Variants in CACNG2 observed in about 807,000 individuals in gnomAD.
The protein encoded by CACNG2 is calcium voltage-gated channel auxiliary subunit gamma 2.
CACNG2 carries 3 observed loss-of-function variants against 25.9 expected under a neutral mutation model. The ratio of observed to expected loss-of-function variants is 0.12; its 90% confidence interval spans 0.05 to 0.30. The LOEUF (loss-of-function observed/expected upper bound fraction) is 0.30, where lower values mean the gene tolerates loss of function less well. CACNG2 is among the 10% of genes least tolerant of loss of function. CACNG2 has a pLI of 1.00. For synonymous variants in CACNG2, 167 were observed against 173.3 expected, an observed-to-expected ratio of 0.96 and a Z score of 0.29; for missense variants, 341 against 432.5, an observed-to-expected ratio of 0.79 and a Z score of 1.88.
chr22:36,582,919 G>A (rs1350471488), intron 2 of CACNG2, among the ~76,000 whole-genome samples: 1 of 152,048 alleles, frequency 6.6e-6, no homozygotes, highest in Non-Finnish European at 1.5e-5. Flanking sequence ...AGAAAGATCT[G>A]TGGAGTGTGT....
rs1045968556 is a variant in CACNG2 at position 36,578,199 on chromosome 22, TA to T, written c.295+9265del. 1.1e-4 allele frequency among the ~76,000 whole-genome samples: 16 copies of T among 150,312 alleles called. No homozygotes were observed. In the South Asian group the frequency reaches 2.7e-3, roughly 26 times the overall value. On this transcript the variant is annotated intron_variant, in intron 2 of 3. Transcript: ENST00000300105. ...CAACATGGTGAAACCCCGTCTCTAC[TA>T]AAAAAAAATACAAAAAATTAGCTGG...
chr22:36,645,536 C>CAAAAAAAAAAAAA (rs200600420), intron 1 of CACNG2, among the ~76,000 whole-genome samples: 23 of 134,862 alleles, frequency 1.7e-4, no homozygotes, highest in African/African-American at 6.3e-4. Flanking sequence ...GACTCTGTCT[C>CAAAAAAAAAAAAA]AAAAAAAAAA....
intron 2 of CACNG2, among the ~76,000 whole-genome samples, chr22:36,573,584 A>C (rs1488896333): frequency 6.6e-6 from 1 of 152,212 alleles, no homozygotes; most frequent in Non-Finnish European, 1.5e-5. Context: ...TGCCTGCCTC[A>C]GCCTCCCAAA....
chr22:36,694,688 G>A (rs1937311451), intron 1 of CACNG2, among the ~76,000 whole-genome samples: 1 of 152,082 alleles, frequency 6.6e-6, no homozygotes. Flanking sequence ...TTATTCTTTA[G>A]GGTCCCCTGC....
In CACNG2 at chr22:36,564,176, G is replaced by T. The variant is rs1569013513; in HGVS notation, c.*175C>A. 15 of 507,580 alleles carry T rather than the reference G, an allele frequency of 3.0e-5. No homozygotes were observed. The highest frequency in any genetic ancestry group is 2.0e-4 in the African/African-American group (10 of 50,286). 31.4% of individuals were successfully genotyped at this position (507,580 alleles called of 1,614,324 possible). ...CTTTTTTTTAAAATTTACTTGTTAT[G>T]TTTTTTCTCTTTTTTTGTGTGTGTG... is the stretch of plus-strand genomic sequence containing the variant. On this transcript the variant is annotated 3_prime_UTR_variant, in exon 4 of 4. Coordinates refer to ENST00000300105, the MANE Select transcript of CACNG2 (RefSeq NM_006078.5). This position sits in a 1 kb window ranked among gnomAD's most constrained non-coding sequence, Gnocchi z 6.7.
chr22:36,657,552 ATC>A (rs1396008153), intron 1 of CACNG2, among the ~76,000 whole-genome samples: 1 of 151,972 alleles, frequency 6.6e-6, no homozygotes, highest in Non-Finnish European at 1.5e-5. Context: ...TATTGGATAA[ATC>A]TTCTCTGGAT....
intron 1 of CACNG2, among the ~76,000 whole-genome samples, chr22:36,624,435 G>C (rs767059671): frequency 6.6e-6 from 1 of 152,158 alleles, no homozygotes. Context: ...GAGAGGTCAG[G>C]CTGCTCACCC....
intron 1 of CACNG2, among the ~76,000 whole-genome samples, chr22:36,609,921 C>A (rs1270016464): frequency 2.0e-5 from 3 of 146,586 alleles, no homozygotes; most frequent in Non-Finnish European, 3.0e-5. Flanking sequence ...GGCAGGAAAT[C>A]AACCCCCCAG....
chr22:36,695,749 G>A (rs1219078918), intron 1 of CACNG2, among the ~76,000 whole-genome samples: 1 of 152,074 alleles, frequency 6.6e-6, no homozygotes, highest in Non-Finnish European at 1.5e-5. Flanking sequence ...ACTTATCAGA[G>A]CTGTAATTTA....
At chr22:36,666,709 G>GA (rs904966780) in intron 1 of CACNG2, among the ~76,000 whole-genome samples, 18 of 150,332 alleles carry the variant, frequency 1.2e-4, no homozygotes, top group African/African-American at 3.2e-4. Flanking sequence ...AAAAAAAATA[G>GA]AAAAAAAAAT....
intron 1 of CACNG2, among the ~76,000 whole-genome samples, chr22:36,637,751 G>T (rs1428940049): frequency 1.3e-5 from 2 of 152,156 alleles, no homozygotes; most frequent in Non-Finnish European, 2.9e-5. Context: ...CAGGTGCGGT[G>T]GCTCACGCCT....
At chr22:36,658,195 T>A (rs9622447) in intron 1 of CACNG2, among the ~76,000 whole-genome samples, 16,161 of 151,856 alleles carry the variant, frequency 0.11, 2,857 homozygotes, top group African/African-American at 0.37. Context: ...AGTGAAAAAA[T>A]AATGGCCCAT....
At chr22:36,615,346 T>C (rs1242145538) in intron 1 of CACNG2, among the ~76,000 whole-genome samples, 1 of 152,208 alleles carries the variant, frequency 6.6e-6, no homozygotes, top group Non-Finnish European at 1.5e-5. Flanking sequence ...TGCAGGGCCC[T>C]TCTTGGTTTA....
chr22:36,673,317 GAGA>G (rs1936978569), intron 1 of CACNG2, among the ~76,000 whole-genome samples: 1 of 152,172 alleles, frequency 6.6e-6, no homozygotes, highest in African/African-American at 2.4e-5. Flanking sequence ...TCCAGCAAAA[GAGA>G]AGAAGGCAAT....
chr22:36,631,204 C>G (rs1243403173), intron 1 of CACNG2, among the ~76,000 whole-genome samples: 4 of 152,236 alleles, frequency 2.6e-5, no homozygotes, highest in South Asian at 2.1e-4. Flanking sequence ...GAGGCGAGGA[C>G]AAGGGAGCTC....
chr22:36,652,421 T>A (rs1236480458), intron 1 of CACNG2, among the ~76,000 whole-genome samples: 1 of 152,182 alleles, frequency 6.6e-6, no homozygotes, highest in African/African-American at 2.4e-5. Flanking sequence ...GGCCTTCTTC[T>A]CACCCTGCAA....
intron 2 of CACNG2, among the ~76,000 whole-genome samples, chr22:36,580,525 G>A (rs1935397392): frequency 6.6e-6 from 1 of 152,108 alleles, no homozygotes; most frequent in African/African-American, 2.4e-5. Flanking sequence ...AGTGTGGCCT[G>A]GTGATCCCCC....
intron 1 of CACNG2, among the ~76,000 whole-genome samples, chr22:36,660,318 G>A (rs896129713): frequency 6.6e-6 from 1 of 152,248 alleles, no homozygotes; most frequent in African/African-American, 2.4e-5. Flanking sequence ...GCAGTTGCTG[G>A]TGGAGCCGGG....
intron 2 of CACNG2, among the ~76,000 whole-genome samples, chr22:36,567,113 A>G (rs1163939014): frequency 6.6e-6 from 1 of 152,236 alleles, no homozygotes; most frequent in East Asian, 1.9e-4. Flanking sequence ...TAGAAAAAGT[A>G]TCTCACCTCT....
Sources: allele counts gnomAD v4.1 joint callset (sites outside exome capture counted in the v4.1 genomes callset), GRCh38; gene constraint gnomAD v4.1.1; non-coding constraint Gnocchi (gnomAD v3.1); transcripts MANE v1.5; gene names NCBI Gene and HGNC (gene_info 2026-07-23, HGNC 2026-07-21).